The following SGCD variants were observed in gnomAD, a reference collection of about 807,000 sequenced individuals.
SGCD encodes the protein delta-sarcoglycan.
SGCD carries 18 observed loss-of-function variants against 36.6 expected under a neutral mutation model. The observed-to-expected ratio is 0.49, with a 90% CI of 0.34 to 0.73. The LOEUF (loss-of-function observed/expected upper bound fraction) is 0.73, where lower values mean the gene tolerates loss of function less well. SGCD is among the 30% of genes least tolerant of loss of function. The pLI is 0.01. For missense variants in SGCD, 387 were observed against 346.7 expected, an observed-to-expected ratio of 1.12 and a Z score of -0.92; for synonymous variants, 133 against 130.6, an observed-to-expected ratio of 1.02 and a Z score of -0.12.
At chr5:156,152,728 A>T (rs1413773861) in intron 3 of SGCD, among the ~76,000 whole-genome samples, 2 of 151,712 alleles carry the variant, frequency 1.3e-5, no homozygotes, top group Non-Finnish European at 2.9e-5. Context: ...ACTACTAGAA[A>T]GTTTAAAAAA....
At chr5:156,220,400 A>G (rs943369840) in intron 3 of SGCD, among the ~76,000 whole-genome samples, 3 of 152,178 alleles carry the variant, frequency 2.0e-5, no homozygotes, top group Non-Finnish European at 4.4e-5. Context: ...TATTAAATAG[A>G]TCAGCTTTTT....
chr5:156,669,419 C>G (rs1178258746), intron 7 of SGCD, among the ~76,000 whole-genome samples: 1 of 152,194 alleles, frequency 6.6e-6, no homozygotes, highest in African/African-American at 2.4e-5. Context: ...ATTTGAAAGA[C>G]TGGTTATTTA....
chr5:156,726,084 CTAAG>C lies in SGCD; in HGVS notation c.576-31491_576-31488del, dbSNP rs368798881. ...GTCACTGTTTGATCTTGTTTTGTGT[CTAAG>C]TAAGTGGTTATCTTCTTGTAATCCA... is the stretch of plus-strand genomic sequence containing the variant. On this transcript the variant is annotated intron_variant, in intron 7 of 8. Coordinates refer to ENST00000337851, the MANE Select transcript of SGCD (RefSeq NM_000337.6). Among the ~76,000 whole-genome samples the C allele has an allele frequency of 2.7e-4, 41 of 152,320 alleles. 1 individual carries two copies. The East Asian group carries it at 5.8e-3, about 22-fold the overall frequency.
chr5:156,453,461 T>C (rs1212127213), intron 3 of SGCD, among the ~76,000 whole-genome samples: 1 of 152,182 alleles, frequency 6.6e-6, no homozygotes, highest in Non-Finnish European at 1.5e-5. Flanking sequence ...TGAATGTTCA[T>C]AGTAGCTGCA....
intron 3 of SGCD, among the ~76,000 whole-genome samples, chr5:156,428,449 T>G (rs572221745): frequency 6.6e-6 from 1 of 152,090 alleles, no homozygotes; most frequent in Admixed American, 6.6e-5. Context: ...GTTAATCTCT[T>G]TAATGCTCTG....
chr5:156,231,380 C>CA (rs1198031459), intron 3 of SGCD, among the ~76,000 whole-genome samples: 1 of 151,930 alleles, frequency 6.6e-6, no homozygotes, highest in Non-Finnish European at 1.5e-5. Context: ...ACTAAAAATA[C>CA]AAAAAATTAG....
the SGCD span, among the ~76,000 whole-genome samples, chr5:155,828,174 A>C: frequency 6.6e-6 from 1 of 152,164 alleles, no homozygotes; most frequent in South Asian, 2.1e-4. Context: ...GCAAACAACC[A>C]TAATAGTAAT....
At chr5:155,957,908 T>C (rs773049086) in intron 1 of SGCD, among the ~76,000 whole-genome samples, 4 of 152,076 alleles carry the variant, frequency 2.6e-5, no homozygotes, top group African/African-American at 9.7e-5. Context: ...CACAGTAACA[T>C]ACAAGGCAGA....
intron 6 of SGCD, among the ~76,000 whole-genome samples, chr5:156,630,234 C>T (rs1467518699): frequency 1.3e-5 from 2 of 152,126 alleles, no homozygotes; most frequent in African/African-American, 4.8e-5. Flanking sequence ...GAAATCTAAA[C>T]TGTGAGAGGT....
intron 3 of SGCD, among the ~76,000 whole-genome samples, chr5:156,291,676 G>A (rs923657145): frequency 1.3e-5 from 2 of 151,754 alleles, no homozygotes; most frequent in African/African-American, 2.4e-5. Flanking sequence ...CTATTCTCAC[G>A]AAACTTGCCT....
intron 7 of SGCD, among the ~76,000 whole-genome samples, chr5:156,653,661 C>T (rs1272121430): frequency 6.6e-6 from 1 of 151,530 alleles, no homozygotes; most frequent in Non-Finnish European, 1.5e-5. Context: ...GATAGATTAG[C>T]CCAGACCAGT....
the SGCD span, among the ~76,000 whole-genome samples, chr5:155,838,206 G>T: frequency 3.9e-5 from 6 of 152,152 alleles, no homozygotes; most frequent in South Asian, 2.1e-4. Flanking sequence ...AGATTTTAAC[G>T]ATTATTTAAT....
chr5:156,146,269 A>G (rs1222667076), intron 3 of SGCD, among the ~76,000 whole-genome samples: 1 of 152,194 alleles, frequency 6.6e-6, no homozygotes, highest in Admixed American at 6.5e-5. Flanking sequence ...ATGACATTGC[A>G]TTCAAAGATA....
the SGCD span, among the ~76,000 whole-genome samples, chr5:155,786,396 C>T: frequency 6.6e-6 from 1 of 152,148 alleles, no homozygotes. Flanking sequence ...GCCATCTCTT[C>T]TGCAGAAACA....
chr5:156,477,200 G>A (rs1389744802), intron 3 of SGCD, among the ~76,000 whole-genome samples: 2 of 152,114 alleles, frequency 1.3e-5, no homozygotes, highest in Non-Finnish European at 2.9e-5. Flanking sequence ...TGAGTAGAAT[G>A]GTACCAACAA....
At chr5:156,243,397 C>T (rs1018509621) in intron 3 of SGCD, among the ~76,000 whole-genome samples, 2 of 151,964 alleles carry the variant, frequency 1.3e-5, no homozygotes, top group African/African-American at 4.8e-5. Flanking sequence ...GGAAATTATC[C>T]AAGAAGTAAA....
intron 1 of SGCD, among the ~76,000 whole-genome samples, chr5:155,990,692 T>G (rs927192610): frequency 2.6e-5 from 4 of 152,226 alleles, no homozygotes; most frequent in African/African-American, 4.8e-5. Context: ...ATTTAATAAT[T>G]GCTAACATTT....
At chr5:156,440,062 C>T (rs1168810184) in intron 3 of SGCD, among the ~76,000 whole-genome samples, 2 of 152,080 alleles carry the variant, frequency 1.3e-5, no homozygotes, top group South Asian at 2.1e-4. Flanking sequence ...TGTCTAGCTG[C>T]CATCTCCATC....
intron 1 of SGCD, among the ~76,000 whole-genome samples, chr5:156,047,232 A>C (rs182716612): frequency 6.6e-6 from 1 of 152,320 alleles, no homozygotes; most frequent in Non-Finnish European, 1.5e-5. Flanking sequence ...ATAAGAGTGC[A>C]GAGTGAAGCA....
Sources: allele counts gnomAD v4.1 joint callset (sites outside exome capture counted in the v4.1 genomes callset), GRCh38; gene constraint gnomAD v4.1.1; transcripts MANE v1.5; gene names NCBI Gene and HGNC (gene_info 2026-07-23, HGNC 2026-07-21).